The following CNTN4 variants were observed in gnomAD, a reference collection of about 807,000 sequenced individuals.
The protein encoded by CNTN4 is contactin-4.
A neutral mutation model predicts 122.5 loss-of-function variants in CNTN4; 77 were observed. That is an observed-to-expected ratio of 0.63 (90% CI 0.52 to 0.76). The LOEUF is 0.76. CNTN4 is among the 30% of genes least tolerant of loss of function. The pLI, the probability that CNTN4 is intolerant of heterozygous loss-of-function variation, is 0.00. For missense variants in CNTN4, 1,256 were observed against 1,259.1 expected (o/e 1.00, Z 0.04); for synonymous variants, 512 against 447.0 (o/e 1.15, Z -1.83).
chr3:3,031,080 A>C, intron 16 of CNTN4, 105 bp downstream of exon 16: 1 of 1,443,806 alleles, frequency 6.9e-7, no homozygotes, highest in Non-Finnish European at 9.7e-7. Context: ...GGAAAAAGTC[A>C]GGCAGAAGCT....
At chr3:3,006,625 C>T (rs1013153968) in intron 14 of CNTN4, among the ~76,000 whole-genome samples, 2 of 152,092 alleles carry the variant, frequency 1.3e-5, no homozygotes, top group Non-Finnish European at 2.9e-5. Context: ...TCTTGTTATT[C>T]AAGTAACTAC....
intron 4 of CNTN4, among the ~76,000 whole-genome samples, chr3:2,733,595 G>C (rs536261852): frequency 7.0e-6 from 1 of 143,192 alleles, no homozygotes; most frequent in African/African-American, 2.8e-5. Context: ...GTTCAGTGGT[G>C]TGATCTCGGT....
intron 3 of CNTN4, among the ~76,000 whole-genome samples, chr3:2,464,149 T>G (rs897192580): frequency 6.6e-6 from 1 of 152,204 alleles, no homozygotes; most frequent in African/African-American, 2.4e-5. Flanking sequence ...TGTCCTCTGC[T>G]CTATCTATCC....
At chr3:2,584,039 C>T (rs1204916258) in intron 4 of CNTN4, among the ~76,000 whole-genome samples, 2 of 152,176 alleles carry the variant, frequency 1.3e-5, no homozygotes, top group African/African-American at 4.8e-5. Flanking sequence ...TATAGTTGCT[C>T]AGTGTATGAG....
intron 2 of CNTN4, among the ~76,000 whole-genome samples, chr3:2,218,671 G>A (rs556416059): frequency 6.6e-6 from 1 of 152,186 alleles, no homozygotes; most frequent in Non-Finnish European, 1.5e-5. Flanking sequence ...ACACACGTAT[G>A]TAGTACTAAA....
chr3:2,606,940 T>C lies in CNTN4; in HGVS notation c.55+35382T>C, dbSNP rs184346787. Among the ~76,000 whole-genome samples the C allele has an allele frequency of 2.7e-3, 408 of 152,334 alleles. 1 individual carries two copies. The highest frequency in any genetic ancestry group is 0.012 in the South Asian group (56 of 4,830). On this transcript the variant is annotated intron_variant, in intron 4 of 24. Transcript: ENST00000418658. ...CAGAGACTTCAGATCTCCAGACCCA[T>C]GAGCTTTACAGATGCTAGCTCTATT...
intron 20 of CNTN4, among the ~76,000 whole-genome samples, chr3:3,040,614 C>T (rs1049491866): frequency 1.3e-5 from 2 of 152,124 alleles, no homozygotes; most frequent in African/African-American, 4.8e-5. Flanking sequence ...ATATAATTTG[C>T]ATTTTCTTAC....
chr3:2,819,569 C>G lies in CNTN4; in HGVS notation c.442C>G (p.Pro148Ala), dbSNP rs773828221. 1 of 1,612,034 alleles carries G rather than the reference C, an allele frequency of 6.2e-7. No individual in the cohort carries two copies. Among genetic ancestry groups the G allele is most frequent in the Non-Finnish European group, 8.5e-7 (1 of 1,178,058 alleles). The change falls in exon 7 of 25, where the codon CCC becomes GCC. Residue 148 changes from proline (P) to alanine (A), a missense_variant. Physicochemically the swap from Pro to Ala is conservative, Grantham distance 27. Transcript: ENST00000418658. ...AATGGTGCTACTGTGTGGCCCGCCACCCCATTCTGGAGGTACATATAAATG... is the reference window on the plus strand; with the variant it reads ...AATGGTGCTACTGTGTGGCCCGCCAGCCCATTCTGGAGGTACATATAAATG... ...QGMVLLCGPP[P>A]HSGELSYAWI...
chr3:2,586,994 T>G (rs2080232506), intron 4 of CNTN4, among the ~76,000 whole-genome samples: 1 of 152,218 alleles, frequency 6.6e-6, no homozygotes, highest in Admixed American at 6.5e-5. Context: ...AATATAAACT[T>G]TTAGCTAATG....
At chr3:2,138,322 C>T (rs943404109) in intron 2 of CNTN4, among the ~76,000 whole-genome samples, 8 of 152,134 alleles carry the variant, frequency 5.3e-5, no homozygotes, top group African/African-American at 1.9e-4. Context: ...CCTGCCTTGG[C>T]CTCCCAAAGT....
intron 6 of CNTN4, among the ~76,000 whole-genome samples, chr3:2,768,317 C>G (rs2090950274): frequency 6.6e-6 from 1 of 152,164 alleles, no homozygotes. Context: ...AGCAGGAAAT[C>G]TTATCTTGGA....
intron 6 of CNTN4, among the ~76,000 whole-genome samples, chr3:2,763,965 C>CTT (rs796513972): frequency 7.1e-6 from 1 of 141,478 alleles, no homozygotes; most frequent in African/African-American, 2.6e-5. Flanking sequence ...GCTATTCGGG[C>CTT]TTTTTTTTTT....
At chr3:2,271,922 C>T (rs1411736242) in intron 2 of CNTN4, among the ~76,000 whole-genome samples, 2 of 151,940 alleles carry the variant, frequency 1.3e-5, no homozygotes, top group Admixed American at 6.6e-5. Context: ...GCAATGAATA[C>T]TAAAATGTTA....
chr3:2,790,035 AT>A (rs1377730184), intron 6 of CNTN4, among the ~76,000 whole-genome samples: 2 of 152,210 alleles, frequency 1.3e-5, no homozygotes, highest in African/African-American at 4.8e-5. Context: ...AGTGCTTTGC[AT>A]TTACCACATG....
chr3:2,592,545 C>T (rs564520994), intron 4 of CNTN4, among the ~76,000 whole-genome samples: 87 of 152,240 alleles, frequency 5.7e-4, no homozygotes, highest in Non-Finnish European at 6.8e-4. Flanking sequence ...GAATGGGTCT[C>T]ATGAGATCTG....
At chr3:2,110,789 C>G (rs1469572495) in intron 2 of CNTN4, among the ~76,000 whole-genome samples, 1 of 151,998 alleles carries the variant, frequency 6.6e-6, no homozygotes, top group Non-Finnish European at 1.5e-5. Flanking sequence ...TCCATTTTCA[C>G]TGTTCTCAGC....
At chr3:2,514,944 C>G (rs916777111) in intron 3 of CNTN4, among the ~76,000 whole-genome samples, 2 of 151,816 alleles carry the variant, frequency 1.3e-5, no homozygotes, top group Admixed American at 6.6e-5. Flanking sequence ...CCCCCTCCCT[C>G]TCTCTCTTTC....
intron 3 of CNTN4, among the ~76,000 whole-genome samples, chr3:2,550,207 G>C (rs564379550): frequency 6.6e-6 from 1 of 152,040 alleles, no homozygotes; most frequent in African/African-American, 2.4e-5. Context: ...TTTCAGTTCT[G>C]CTCTGATCTT....
chr3:2,945,673 C>T (rs1172261732), intron 13 of CNTN4, among the ~76,000 whole-genome samples: 2 of 152,166 alleles, frequency 1.3e-5, no homozygotes, highest in Admixed American at 6.5e-5. Flanking sequence ...ACTTCGACAT[C>T]AGATCAATAA....
Sources: gnomAD v4.1 joint callset for allele counts (sites outside exome capture counted in the v4.1 genomes callset) on GRCh38, gnomAD v4.1.1 for gene constraint, MANE v1.5 for transcripts, NCBI Gene and HGNC (gene_info 2026-07-23, HGNC 2026-07-21) for gene names.